Variants in SLC15A5 observed in about 807,000 individuals in gnomAD.
SLC15A5 encodes the protein Peptide/histidine transporter ENSP00000340402.
SLC15A5 carries 58 observed loss-of-function variants against 56.1 expected under a neutral mutation model. The ratio of observed to expected loss-of-function variants is 1.03; its 90% CI spans 0.84 to 1.29. SLC15A5 has a LOEUF of 1.29. Ranked by LOEUF, SLC15A5 falls within the 50% of genes most tolerant of loss-of-function variation. The pLI is 0.00. For synonymous variants in SLC15A5, 264 were observed against 250.5 expected, an observed-to-expected ratio of 1.05 and a Z score of -0.51; for missense variants, 681 against 672.1, an observed-to-expected ratio of 1.01 and a Z score of -0.15.
At chr12:16,194,874 G>A (rs986685738) in intron 7 of SLC15A5, among the ~76,000 whole-genome samples, 11 of 152,042 alleles carry the variant, frequency 7.2e-5, no homozygotes, top group Non-Finnish European at 1.5e-5. Context: ...CAGAGAGTCT[G>A]TTTCATATGC....
chr12:16,277,307 T>C lies in SLC15A5; in HGVS notation c.361+18A>G, dbSNP rs1486359897. ...TTAATTAAGTCACAAAACAATCCAG[T>C]CAGCAGAGGACACTCACCTAGAAAA... is the stretch of plus-strand genomic sequence containing the variant. On this transcript the variant is annotated intron_variant, in intron 1 of 8. Transcript: ENST00000344941. The C allele has an allele frequency of 2.7e-6, 4 of 1,485,248 alleles. No homozygotes were observed. The highest frequency in any genetic ancestry group is 1.4e-5 in the African/African-American group (1 of 70,962). 92.0% of individuals were successfully genotyped at this position (1,485,248 alleles called of 1,614,324 possible). A position where few individuals can be genotyped will look rare whatever the true frequency, so the allele number is the denominator to read the frequency against.
rs1258285136 is a variant in SLC15A5, at chr12:16,196,456, G to A, written c.1484-2003C>T. Among the ~76,000 whole-genome samples the A allele has an allele frequency of 6.6e-6, 1 of 151,912 alleles. No individual in the cohort carries two copies. The highest frequency in any genetic ancestry group is 2.4e-5 in the African/African-American group (1 of 41,356). On this transcript the variant is annotated intron_variant, in intron 7 of 8. Coordinates refer to ENST00000344941, the MANE Select transcript of SLC15A5 (RefSeq NM_001170798.1). The surrounding 1 kb of genome is among the most constrained non-coding windows in gnomAD (Gnocchi z 4.0). ...CTAAACATTTGATTGTACTTGAGTG[G>A]GGAGAGTTGAGGTGGAGGTCAAGAT...
At chr12:16,273,300 C>T (rs1864780789) in intron 1 of SLC15A5, among the ~76,000 whole-genome samples, 1 of 150,934 alleles carries the variant, frequency 6.6e-6, no homozygotes. Context: ...ACTTCTGTTT[C>T]TCCTTGTAAT....
At position 16,271,469 on chromosome 12, in the gene SLC15A5, C is replaced by T. The variant is rs1010121362; in HGVS notation, c.584+1092G>A. ...AATTTGCTGCAAGGAAGTAAAGAGT[C>T]CCTTCTACCTTTGGTAAGACTGCAT... is the stretch of plus-strand genomic sequence containing the variant. On this transcript the variant is annotated intron_variant, in intron 2 of 8. Transcript: ENST00000344941. The surrounding 1 kb of genome is among the most constrained non-coding windows in gnomAD (Gnocchi z 8.0). 2.0e-5 allele frequency among the ~76,000 whole-genome samples: 3 copies of T among 152,140 alleles called. No individual in the cohort carries two copies. Among genetic ancestry groups the T allele is most frequent in the African/African-American group, 4.8e-5 (2 of 41,444 alleles).
At chr12:16,226,175 A>G (rs1216358624) in intron 5 of SLC15A5, among the ~76,000 whole-genome samples, 1 of 152,196 alleles carries the variant, frequency 6.6e-6, no homozygotes, top group Non-Finnish European at 1.5e-5. Flanking sequence ...CTCTTCCTCT[A>G]TTCTTTAAAT....
At chr12:16,249,786 A>C (rs1864501553) in intron 3 of SLC15A5, among the ~76,000 whole-genome samples, 1 of 152,068 alleles carries the variant, frequency 6.6e-6, no homozygotes, top group Non-Finnish European at 1.5e-5. Flanking sequence ...GTATATATGA[A>C]TATATGTATA....
At position 16,237,519 on chromosome 12, in the gene SLC15A5, A is replaced by G. The variant is rs1215498978; in HGVS notation, c.1162+2162T>C. 6.6e-6 allele frequency among the ~76,000 whole-genome samples: 1 copy of G among 152,194 alleles called. No homozygotes were observed. Among genetic ancestry groups the G allele is most frequent in the Admixed American group, 6.5e-5 (1 of 15,274 alleles). ...AATATTTAATTCATTAACAACATCAAACAATATACTAAATAACTCTGTCTA... is the reference window on the plus strand; with the variant it reads ...AATATTTAATTCATTAACAACATCAGACAATATACTAAATAACTCTGTCTA... On this transcript the variant is annotated intron_variant, in intron 5 of 8. Transcript: ENST00000344941. The surrounding 1 kb of genome is among the most constrained non-coding windows in gnomAD (Gnocchi z 4.1).
At position 16,257,686 on chromosome 12, in the gene SLC15A5, G is replaced by C; in HGVS notation, c.754+15C>G. The stretch of plus-strand genomic sequence containing the variant: ...ATATAAACCCAGAAATCAATGTAAC[G>C]CATAATTTACTTACGTTTTTCTGAC... On this transcript the variant is annotated intron_variant, in intron 3 of 8. Transcript: ENST00000344941. 7.0e-7 allele frequency: 1 copy of C among 1,431,394 alleles called. No individual in the cohort carries two copies. Among genetic ancestry groups the C allele is most frequent in the Non-Finnish European group, 9.1e-7 (1 of 1,096,964 alleles). 88.7% of individuals were successfully genotyped at this position (1,431,394 alleles called of 1,614,324 possible). A position where few individuals can be genotyped will look rare whatever the true frequency, so the allele number is the denominator to read the frequency against.
At chr12:16,227,175 T>G (rs1022422155) in intron 5 of SLC15A5, among the ~76,000 whole-genome samples, 2 of 152,164 alleles carry the variant, frequency 1.3e-5, no homozygotes, top group Non-Finnish European at 2.9e-5. Flanking sequence ...TATTTTAAAT[T>G]AAGGACTATA....
At chr12:16,275,227 G>C (rs1161371370) in intron 1 of SLC15A5, among the ~76,000 whole-genome samples, 2 of 152,012 alleles carry the variant, frequency 1.3e-5, no homozygotes, top group Admixed American at 1.3e-4. Flanking sequence ...TCATGGATAA[G>C]GGATGGAAAG....
At chr12:16,207,539 A>G (rs1406426873) in intron 7 of SLC15A5, among the ~76,000 whole-genome samples, 4 of 152,064 alleles carry the variant, frequency 2.6e-5, no homozygotes, top group African/African-American at 9.7e-5. Context: ...TTATGACTGC[A>G]TTGAGCTTCT....
At chr12:16,242,396 T>C (rs547144247) in intron 4 of SLC15A5, among the ~76,000 whole-genome samples, 14 of 71,886 alleles carry the variant, frequency 1.9e-4, no homozygotes, top group Admixed American at 1.2e-3. Flanking sequence ...AAGAGTGATA[T>C]TGAGGATAAT....
intron 3 of SLC15A5, among the ~76,000 whole-genome samples, chr12:16,250,742 A>G (rs1864511599): frequency 6.6e-6 from 1 of 152,010 alleles, no homozygotes; most frequent in African/African-American, 2.4e-5. Context: ...TGAAGGGGTC[A>G]GAGAGGTAAA....
At position 16,277,620 on chromosome 12, in the gene SLC15A5, C is replaced by T; in HGVS notation, c.66G>A (p.Glu22=). 6.5e-7 allele frequency: 1 copy of T among 1,536,284 alleles called. No homozygotes were observed. The highest frequency in any genetic ancestry group is 1.2e-5 in the South Asian group (1 of 84,020). The stretch of plus-strand genomic sequence containing the variant: ...AATCGCCAATATGTCTTACAGTTTT[C>T]TCCTTCTCAATGCTGTGATATAAGT... ...KVHLYHSIEK[E]KTVRHIGDLC... is the part of the protein sequence containing the mutation. Residue 22 remains glutamate (E), a synonymous_variant, in exon 1 of 9, where the codon GAG becomes GAA. Coordinates refer to ENST00000344941, the MANE Select transcript of SLC15A5 (RefSeq NM_001170798.1).
At chr12:16,266,734 T>C (rs1392398207) in intron 2 of SLC15A5, among the ~76,000 whole-genome samples, 1 of 152,150 alleles carries the variant, frequency 6.6e-6, no homozygotes, top group Non-Finnish European at 1.5e-5. Context: ...CACTAGCAAA[T>C]TGAATTTATA....
chr12:16,190,607 A>T (rs911663710), intron 8 of SLC15A5, among the ~76,000 whole-genome samples: 1 of 152,198 alleles, frequency 6.6e-6, no homozygotes, highest in Non-Finnish European at 1.5e-5. Flanking sequence ...TGAACAAATG[A>T]ATATCGGCTA....
Position 16,245,850 on chromosome 12 carries a change from C to A in SLC15A5, c.755-1050G>T, listed in dbSNP as rs557906107. Among the ~76,000 whole-genome samples, 32 of 152,232 alleles carry A rather than the reference C, an allele frequency of 2.1e-4. No individual in the cohort carries two copies. The East Asian group carries it at 6.2e-3, about 29-fold the overall frequency. The stretch of plus-strand genomic sequence containing the variant: ...AGATAAAATGCATTCTAATGAAATT[C>A]ATTTATATGCCATAGAGTCTTGGTT... On this transcript the variant is annotated intron_variant, in intron 3 of 8. Transcript: ENST00000344941.
intron 8 of SLC15A5, among the ~76,000 whole-genome samples, chr12:16,192,485 T>C (rs1863846620): frequency 6.6e-6 from 1 of 152,108 alleles, no homozygotes; most frequent in Admixed American, 6.6e-5. Context: ...TATTTCTCAC[T>C]TCTTTACAGG....
chr12:16,206,284 G>A (rs763001858), intron 7 of SLC15A5, among the ~76,000 whole-genome samples: 2 of 152,260 alleles, frequency 1.3e-5, no homozygotes, highest in Admixed American at 6.5e-5. Flanking sequence ...CCAAAGAATT[G>A]TTGTGAAGAT....
Sources: allele counts gnomAD v4.1 joint callset (sites outside exome capture counted in the v4.1 genomes callset), GRCh38; gene constraint gnomAD v4.1.1; non-coding constraint Gnocchi (gnomAD v3.1); transcripts MANE v1.5; gene names NCBI Gene and HGNC (gene_info 2026-07-23, HGNC 2026-07-21).